Variants in TYW1 observed in about 807,000 individuals in gnomAD.
TYW1 encodes tRNA-yW synthesizing protein 1 homolog, also known as S-adenosyl-L-methionine-dependent tRNA 4-demethylwyosine synthase TYW1.
In TYW1, 46 loss-of-function variants were observed where a neutral mutation model predicts 96.2. That is an observed-to-expected ratio of 0.48 (90% CI 0.38 to 0.61). The LOEUF (loss-of-function observed/expected upper bound fraction) is 0.61, where lower values mean the gene tolerates loss of function less well. Among genes scored for constraint, TYW1 ranks in the 20% least tolerant of loss-of-function variants. The pLI, the probability that TYW1 is intolerant of heterozygous loss-of-function variation, is 0.00. For missense variants in TYW1, 684 were observed against 909.6 expected, an observed-to-expected ratio of 0.75 and a Z score of 3.19; for synonymous variants, 274 against 323.0, an observed-to-expected ratio of 0.85 and a Z score of 1.63.
chr7:67,132,652 A>G (rs1296884451), intron 13 of TYW1, among the ~76,000 whole-genome samples: 2 of 143,374 alleles, frequency 1.4e-5, no homozygotes, highest in Non-Finnish European at 3.0e-5. Context: ...CCATCTCCAG[A>G]GCTGTTTAAT....
At chr7:67,178,765 A>G (rs1308931748) in intron 13 of TYW1, among the ~76,000 whole-genome samples, 1 of 151,600 alleles carries the variant, frequency 6.6e-6, no homozygotes, top group Non-Finnish European at 1.5e-5. Flanking sequence ...ATTAGATATT[A>G]GTCAGGTGAA....
Position 67,155,743 on chromosome 7 carries a change from T to A in TYW1, c.1699-27383T>A, listed in dbSNP as rs12530887. 9.9e-4 allele frequency among the ~76,000 whole-genome samples: 151 copies of A among 152,242 alleles called. No individual in the cohort carries two copies. In the East Asian group the frequency reaches 0.026, roughly 27 times the overall value. On this transcript the variant is annotated intron_variant, in intron 13 of 15. Coordinates refer to ENST00000359626, the MANE Select transcript of TYW1 (RefSeq NM_018264.4). The stretch of plus-strand genomic sequence containing the variant: ...CCGGCTAAGTATTCTTTTATAGTGG[T>A]GCAAATGGACTAACACAAGAGGTAT...
At chr7:67,076,980 G>A (rs1397426875) in intron 10 of TYW1, among the ~76,000 whole-genome samples, 1 of 151,828 alleles carries the variant, frequency 6.6e-6, no homozygotes, top group Non-Finnish European at 1.5e-5. Context: ...CACCAAGTTG[G>A]CCAGGCTGGC....
intron 11 of TYW1, among the ~76,000 whole-genome samples, chr7:67,087,952 C>T (rs1796601022): frequency 1.3e-5 from 2 of 152,116 alleles, no homozygotes; most frequent in African/African-American, 4.8e-5. Context: ...CAACCTCTGC[C>T]TCCTGGGCTC....
chr7:67,117,505 C>A lies in TYW1; in HGVS notation c.1585C>A (p.Leu529Met). 1 of 1,609,622 alleles carries A rather than the reference C, an allele frequency of 6.2e-7. No individual in the cohort carries two copies. The highest frequency in any genetic ancestry group is 8.5e-7 in the Non-Finnish European group (1 of 1,178,932). Reference sequence around the variant, plus strand: ...AAGGAACCTCGAGCCGGTTACTCAGCTGTATGTCAGTGTGGATGCCAGTAC... The same window carrying A: ...AAGGAACCTCGAGCCGGTTACTCAGATGTATGTCAGTGTGGATGCCAGTAC... ...EIRNLEPVTQ[L>M]YVSVDASTKD... Residue 529 changes from leucine to methionine, a missense_variant, in exon 13 of 16, where the codon CTG becomes ATG. Leu to Met is a conservative substitution (Grantham distance 15). Coordinates refer to ENST00000359626, the MANE Select transcript of TYW1 (RefSeq NM_018264.4).
chr7:67,193,450 A>C (rs1171586732), intron 14 of TYW1, among the ~76,000 whole-genome samples: 2 of 152,162 alleles, frequency 1.3e-5, no homozygotes, highest in Admixed American at 1.3e-4. Context: ...CACTCTGCTC[A>C]TTTGTTGGTT....
chr7:67,046,174 G>T (rs565229694), intron 7 of TYW1, among the ~76,000 whole-genome samples: 102 of 152,286 alleles, frequency 6.7e-4, no homozygotes, highest in African/African-American at 2.2e-3. Flanking sequence ...GGAGCATGCC[G>T]TGAGGTGATG....
intron 10 of TYW1, among the ~76,000 whole-genome samples, chr7:67,077,561 A>G (rs1368242654): frequency 6.6e-6 from 1 of 152,200 alleles, no homozygotes; most frequent in Non-Finnish European, 1.5e-5. Flanking sequence ...TATTTACATC[A>G]TTCGACCTTT....
chr7:67,039,457 C>CAA (rs879310027), intron 7 of TYW1, among the ~76,000 whole-genome samples: 1 of 106,686 alleles, frequency 9.4e-6, no homozygotes. Flanking sequence ...GACTCCGTCT[C>CAA]AAAAAAAAAA....
At position 67,029,382 on chromosome 7, in the gene TYW1, C is replaced by CGTGTGTGTGTGT. The variant is rs67162571; in HGVS notation, c.984+4383_984+4394dup. On this transcript the variant is annotated intron_variant, in intron 7 of 15. Coordinates refer to ENST00000359626, the MANE Select transcript of TYW1 (RefSeq NM_018264.4). ...AAACTTAGTTAAATATGTGTGTGTG[C>CGTGTGTGTGTGT]GTGTGTGTGTGTGTGTGTGTGTGTG... Among the ~76,000 whole-genome samples, 96 of 106,774 alleles carry CGTGTGTGTGTGT rather than the reference C, an allele frequency of 9.0e-4. 2 individuals carry two copies. The highest frequency in any genetic ancestry group is 5.3e-3 in the Middle Eastern group (1 of 188). 70.0% of individuals were successfully genotyped at this position (106,774 alleles called of 152,430 possible). A position where few individuals can be genotyped will look rare whatever the true frequency, so the allele number is the denominator to read the frequency against.
intron 12 of TYW1, among the ~76,000 whole-genome samples, chr7:67,112,616 TTAA>T (rs1797459502): frequency 7.6e-6 from 1 of 131,342 alleles, no homozygotes; most frequent in South Asian, 2.4e-4. Context: ...ACTCTTGTCT[TTAA>T]AAAAAAAAAA....
chr7:67,106,931 C>T (rs529129600), intron 12 of TYW1, among the ~76,000 whole-genome samples: 15 of 152,204 alleles, frequency 9.9e-5, no homozygotes, highest in Admixed American at 3.9e-4. Context: ...CGTTTACTTT[C>T]GAACACCTTT....
At chr7:67,003,969 G>A (rs548409431) in intron 3 of TYW1, among the ~76,000 whole-genome samples, 12 of 152,258 alleles carry the variant, frequency 7.9e-5, no homozygotes, top group Non-Finnish European at 1.3e-4. Context: ...ACTTGAACCC[G>A]GGAGGCAGAG....
intron 12 of TYW1, among the ~76,000 whole-genome samples, chr7:67,106,314 G>T (rs1266299176): frequency 6.6e-6 from 1 of 152,220 alleles, no homozygotes. Flanking sequence ...CTGTAGACAT[G>T]TGAGTTTAGA....
At chr7:67,101,959 G>A (rs10282273) in intron 12 of TYW1, among the ~76,000 whole-genome samples, 47,803 of 152,074 alleles carry the variant, frequency 0.31, 8,011 homozygotes, top group African/African-American at 0.44. Context: ...CAATGTGTCT[G>A]TTTTACATAG....
At chr7:67,087,007 T>G (rs1471267768) in intron 11 of TYW1, among the ~76,000 whole-genome samples, 1 of 152,182 alleles carries the variant, frequency 6.6e-6, no homozygotes, top group Non-Finnish European at 1.5e-5. Context: ...GAACTGTGTC[T>G]CGGGCAGTTT....
chr7:67,137,373 T>C (rs529805527), intron 13 of TYW1, among the ~76,000 whole-genome samples: 10 of 151,746 alleles, frequency 6.6e-5, no homozygotes, highest in African/African-American at 2.4e-4. Flanking sequence ...CTCAGCACTT[T>C]GGGAGGCCGA....
intron 15 of TYW1, among the ~76,000 whole-genome samples, chr7:67,218,317 G>T (rs1389198113): frequency 1.3e-5 from 2 of 151,238 alleles, no homozygotes; most frequent in Non-Finnish European, 2.9e-5. Flanking sequence ...TATTATTTTT[G>T]ATGCTATTGT....
intron 14 of TYW1, among the ~76,000 whole-genome samples, chr7:67,185,710 T>C (rs1799996688): frequency 2.0e-5 from 3 of 152,230 alleles, no homozygotes; most frequent in African/African-American, 7.2e-5. Flanking sequence ...ATAGGTTTTA[T>C]AAGCTCGAAG....
Sources: allele counts gnomAD v4.1 joint callset (sites outside exome capture counted in the v4.1 genomes callset), GRCh38; gene constraint gnomAD v4.1.1; transcripts MANE v1.5; gene names NCBI Gene and HGNC (gene_info 2026-07-23, HGNC 2026-07-21).